TBC1D31: variants seen among roughly 807,000 people sequenced by gnomAD.
The protein encoded by TBC1D31 is WD repeat domain 67.
Under a neutral mutation model 132.9 loss-of-function variants are expected in TBC1D31, and 99 were observed. That is an observed-to-expected ratio of 0.74 (90% CI 0.63 to 0.88). The LOEUF is 0.88. TBC1D31 is among the 40% of genes least tolerant of loss of function. The pLI, the probability that TBC1D31 is intolerant of heterozygous loss-of-function variation, is 0.00. For synonymous variants in TBC1D31, 385 were observed against 419.4 expected (o/e 0.92, Z 1.00); for missense variants, 1,134 against 1,256.6 (o/e 0.90, Z 1.48).
Position 123,130,283 on chromosome 8 carries a change from G to A in TBC1D31, c.2356G>A (p.Asp786Asn), listed in dbSNP as rs747484008. 2.0e-5 allele frequency: 33 copies of A among 1,612,810 alleles called. No individual in the cohort carries two copies. Among genetic ancestry groups the A allele is most frequent in the Non-Finnish European group, 2.8e-5 (33 of 1,179,408 alleles). ...ARRRFLKLQQ[D>N]QQEMELRRLD... is the part of the protein sequence containing the mutation. ...AAGGCGTTTTCTGAAGCTTCAGCAAGATCAACAGGAAATGGAACTAAGAAG... is the reference window on the plus strand; with the variant it reads ...AAGGCGTTTTCTGAAGCTTCAGCAAAATCAACAGGAAATGGAACTAAGAAG... Residue 786 changes from aspartate to asparagine, a missense_variant, in exon 16 of 22, where the codon GAT becomes AAT. Coordinates refer to ENST00000287380, the MANE Select transcript of TBC1D31 (RefSeq NM_145647.4).
rs567300785 is a variant in TBC1D31, at chr8:123,123,447, A to G, written c.1571-2609A>G. On this transcript the variant is annotated intron_variant, in intron 11 of 21. Transcript: ENST00000287380. ...TAATATTGCCTTGAAATCAAAGGAG[A>G]ACATTCAGCCTATCCATTGGTGATG... The G allele has an allele frequency of 6.7e-4, 106 of 159,366 alleles. 1 individual carries two copies. The highest frequency in any genetic ancestry group is 1.4e-4 in the Non-Finnish European group (10 of 70,028). The allele number at this position is 159,366 out of a possible 1,614,324, so 9.9% of individuals were successfully genotyped here.
intron 2 of TBC1D31, among the ~76,000 whole-genome samples, chr8:123,081,805 A>G (rs754344878): frequency 1.3e-5 from 2 of 152,158 alleles, no homozygotes; most frequent in Non-Finnish European, 2.9e-5. Context: ...ATCTCATGAG[A>G]TTTATTCACT....
In TBC1D31 at chr8:123,140,870, C is replaced by G. The variant is rs1157360110; in HGVS notation, c.2609C>G (p.Ala870Gly). The G allele has an allele frequency of 1.2e-6, 2 of 1,613,634 alleles. No homozygotes were observed. Among genetic ancestry groups the G allele is most frequent in the African/African-American group, 1.3e-5 (1 of 74,984 alleles). Reference sequence around the variant, plus strand: ...CACATGTTTCATAAGCTGATAGAAGCAGGTGAAACCCAGAGCCAGAAAACT... The same window carrying G: ...CACATGTTTCATAAGCTGATAGAAGGAGGTGAAACCCAGAGCCAGAAAACT... ...EEHMFHKLIEAGETQSQKTQK... is the reference protein window; with the variant it reads ...EEHMFHKLIEGGETQSQKTQK... Residue 870 changes from alanine to glycine, a missense_variant, in exon 18 of 22, where the codon GCA becomes GGA. Transcript: ENST00000287380.
At chr8:123,119,258 T>A (rs1025635129) in intron 10 of TBC1D31, among the ~76,000 whole-genome samples, 1 of 152,240 alleles carries the variant, frequency 6.6e-6, no homozygotes, top group African/African-American at 2.4e-5. Context: ...AAATTGCAAA[T>A]GCACGTATTC....
At chr8:123,159,268 G>GGAAAAAA in the TBC1D31 span, among the ~76,000 whole-genome samples, 3 of 93,936 alleles carry the variant, frequency 3.2e-5, no homozygotes, top group Non-Finnish European at 4.4e-5. Context: ...ATTTGAACAG[G>GGAAAAAA]AAAAAAAAAA....
chr8:123,134,674 A>G (rs1820918657), intron 17 of TBC1D31, among the ~76,000 whole-genome samples: 1 of 152,186 alleles, frequency 6.6e-6, no homozygotes, highest in South Asian at 2.1e-4. Flanking sequence ...AAAATGTCTG[A>G]ATGTACAGTT....
chr8:123,088,429 A>G (rs1339816493), intron 4 of TBC1D31, among the ~76,000 whole-genome samples: 2 of 152,192 alleles, frequency 1.3e-5, no homozygotes, highest in Non-Finnish European at 1.5e-5. Context: ...TCTCAAAAAA[A>G]AAAGTGACCA....
At chr8:123,143,974 T>C (rs1301254451) in intron 19 of TBC1D31, among the ~76,000 whole-genome samples, 2 of 152,234 alleles carry the variant, frequency 1.3e-5, no homozygotes, top group African/African-American at 2.4e-5. Context: ...ACTTGACTAC[T>C]GCGTGGCCTT....
At chr8:123,157,244 A>G in the TBC1D31 span, among the ~76,000 whole-genome samples, 31 of 152,282 alleles carry the variant, frequency 2.0e-4, no homozygotes, top group South Asian at 8.3e-4. Context: ...CCGTGTGAGG[A>G]TCGAACTCAC....
chr8:123,136,698 G>A (rs1252242612), intron 17 of TBC1D31, among the ~76,000 whole-genome samples: 2 of 152,084 alleles, frequency 1.3e-5, no homozygotes, highest in Non-Finnish European at 2.9e-5. Context: ...TAATCCGCCC[G>A]CCTCGGCCTC....
At chr8:123,086,757 G>A (rs1017801004) in intron 4 of TBC1D31, among the ~76,000 whole-genome samples, 7 of 150,264 alleles carry the variant, frequency 4.7e-5, no homozygotes, top group Non-Finnish European at 7.4e-5. Flanking sequence ...TCTGGCTCTG[G>A]CATCCAGGCT....
At chr8:123,093,534 A>G in intron 4 of TBC1D31, 57 bp from the exon 5 acceptor site, 2 of 1,234,884 alleles carry the variant, frequency 1.6e-6, no homozygotes, top group Non-Finnish European at 2.2e-6. Context: ...ATAATTTTAA[A>G]TTTAAAGTCT....
In TBC1D31 at chr8:123,082,149, A is replaced by C. The variant is rs574920360; in HGVS notation, c.225-553A>C. Among the ~76,000 whole-genome samples, 104 of 152,292 alleles carry C rather than the reference A, an allele frequency of 6.8e-4. 1 individual carries two copies. The highest frequency in any genetic ancestry group is 2.5e-3 in the African/African-American group (102 of 41,564). On this transcript the variant is annotated intron_variant, in intron 2 of 21. Coordinates refer to ENST00000287380, the MANE Select transcript of TBC1D31 (RefSeq NM_145647.4). ...CCCCAAACTTATTCCTCTTTTGCCT[A>C]AGTTCAAAAGCTTAATTTTTTGTAA...
In TBC1D31 at chr8:123,077,000, A is replaced by G; in HGVS notation, c.78-111A>G. ...TCTAGAGGAGCGGGGGTATAGCGGTAGCAGTAGGAGAGGGAAGAATGAACA... is the reference window on the plus strand; with the variant it reads ...TCTAGAGGAGCGGGGGTATAGCGGTGGCAGTAGGAGAGGGAAGAATGAACA... On this transcript the variant is annotated intron_variant, in intron 1 of 21. Coordinates refer to ENST00000287380, the MANE Select transcript of TBC1D31 (RefSeq NM_145647.4). 1.2e-5 allele frequency: 12 copies of G among 1,003,264 alleles called. No individual in the cohort carries two copies. In the South Asian group the frequency reaches 2.0e-4, roughly 17 times the overall value. 62.1% of individuals were successfully genotyped at this position (1,003,264 alleles called of 1,614,324 possible).
At chr8:123,148,470 G>A (rs765154813) in intron 20 of TBC1D31, among the ~76,000 whole-genome samples, 2 of 152,098 alleles carry the variant, frequency 1.3e-5, no homozygotes, top group Non-Finnish European at 2.9e-5. Context: ...GGCTGGGCAC[G>A]GTGGCGCCTG....
At chr8:123,152,313 G>A (rs972171305), downstream of TBC1D31, among the ~76,000 whole-genome samples, 6 of 152,120 alleles carry the variant, frequency 3.9e-5, no homozygotes, top group African/African-American at 1.4e-4. Context: ...GGTGGAGAGC[G>A]CCAGCAGCGT....
chr8:123,106,989 T>C (rs1817990333), intron 8 of TBC1D31, among the ~76,000 whole-genome samples: 1 of 152,212 alleles, frequency 6.6e-6, no homozygotes, highest in Non-Finnish European at 1.5e-5. Flanking sequence ...GTGTGAAATA[T>C]TGTCTACCAG....
rs1820288504 is a variant in TBC1D31 at position 123,128,376 on chromosome 8, C to G, written c.1980C>G (p.Asp660Glu). ...METTPTDIHP[D>E]SMLNVFVALT... ...CCACGCCTACTGACATTCATCCAGA[C>G]AGCATGCTTAATGTTTTTGTTGCAC... Residue 660 changes from aspartate (D) to glutamate (E), a missense_variant, in exon 14 of 22, where the codon GAC (aspartate) becomes GAG (glutamate). Physicochemically the swap from Asp to Glu is conservative, Grantham distance 45. Coordinates refer to ENST00000287380, the MANE Select transcript of TBC1D31 (RefSeq NM_145647.4). The G allele has an allele frequency of 6.2e-7, 1 of 1,612,896 alleles. No homozygotes were observed. Among genetic ancestry groups the G allele is most frequent in the African/African-American group, 1.3e-5 (1 of 74,866 alleles).
chr8:123,127,260 C>CCTT (rs1563734691), intron 13 of TBC1D31, among the ~76,000 whole-genome samples: 1 of 91,182 alleles, frequency 1.1e-5, no homozygotes, highest in Non-Finnish European at 2.2e-5. Flanking sequence ...GTGCTTTTTG[C>CCTT]ATTTTTTTTT....
Sources: allele counts gnomAD v4.1 joint callset (sites outside exome capture counted in the v4.1 genomes callset), GRCh38; gene constraint gnomAD v4.1.1; transcripts MANE v1.5; gene names NCBI Gene and HGNC (gene_info 2026-07-23, HGNC 2026-07-21).